The following LAMB3 variants were observed in gnomAD, a reference collection of about 807,000 sequenced individuals.
LAMB3 encodes laminin subunit beta 3.
A neutral mutation model predicts 140.3 loss-of-function variants in LAMB3; 104 were observed. The observed-to-expected ratio is 0.74, with a 90% CI of 0.63 to 0.87. LAMB3 has a LOEUF of 0.87. Ranked by LOEUF, LAMB3 falls within the 40% of genes least tolerant of loss-of-function variation. The probability of loss-of-function intolerance (pLI) is 0.00; values close to 1 mark genes in which losing one functional copy is unlikely to be tolerated. For synonymous variants in LAMB3, 592 were observed against 602.9 expected, an observed-to-expected ratio of 0.98 and a Z score of 0.26; for missense variants, 1,531 against 1,575.2, an observed-to-expected ratio of 0.97 and a Z score of 0.47.
At chr1:209,644,408 C>T (rs1387133147) in intron 3 of LAMB3, among the ~76,000 whole-genome samples, 2 of 152,134 alleles carry the variant, frequency 1.3e-5, no homozygotes, top group Non-Finnish European at 2.9e-5. Flanking sequence ...CAGCAGTGTA[C>T]ATATATTATC....
chr1:209,615,543 A>G, intron 22 of LAMB3, 136 bp from the exon 23 acceptor site: 1 of 1,015,672 alleles, frequency 9.8e-7, no homozygotes, highest in Non-Finnish European at 1.4e-6. Flanking sequence ...TGGCCTCTAA[A>G]GCAGTGGTGC....
chr1:209,638,663 G>C lies in LAMB3; in HGVS notation c.184-15C>G. 6.4e-7 allele frequency: 1 copy of C among 1,550,646 alleles called. No individual in the cohort carries two copies. The highest frequency in any genetic ancestry group is 8.9e-7 in the Non-Finnish European group (1 of 1,122,336). ...TTCATCTGCCACTGTGGGAGAGGGA[G>C]ATAGCAGACACTCAGAGGTGGGGTC... is the stretch of plus-strand genomic sequence containing the variant. On this transcript the variant is annotated splice_polypyrimidine_tract_variant and intron_variant, in intron 3 of 22. Transcript: ENST00000356082.
chr1:209,637,571 G>A (rs1256129119), intron 5 of LAMB3, among the ~76,000 whole-genome samples: 1 of 152,068 alleles, frequency 6.6e-6, no homozygotes. Context: ...AATCTAATAT[G>A]CAAAGTTATT....
chr1:209,626,071 CAG>C (rs1376717364), intron 13 of LAMB3, 45 bp from the exon 14 acceptor site: 2 of 1,599,924 alleles, frequency 1.3e-6, no homozygotes, highest in East Asian at 4.5e-5. Flanking sequence ...GTCAGGGAGA[CAG>C]AAGCAGCTGT....
In LAMB3 at chr1:209,649,979, G is replaced by A. The variant is rs772245138; in HGVS notation, c.168C>T (p.Cys56=). The change falls in exon 3 of 23, where the codon TGC becomes TGT. Residue 56 remains cysteine (C), a synonymous_variant. Coordinates refer to ENST00000356082, the MANE Select transcript of LAMB3 (RefSeq NM_000228.3). ...TCGLTKPETY[C]TQYGEWQMKC... ...TAGGGCCTACCTCGCCATACTGGGT[G>A]CAGTAGGTCTCAGGCTTGGTCAGTC... 7 of 1,614,204 alleles carry A rather than the reference G, an allele frequency of 4.3e-6. No individual in the cohort carries two copies. The highest frequency in any genetic ancestry group is 5.9e-6 in the Non-Finnish European group (7 of 1,180,038).
chr1:209,648,938 C>G (rs1033732977), intron 3 of LAMB3, among the ~76,000 whole-genome samples: 1 of 152,018 alleles, frequency 6.6e-6, no homozygotes, highest in Non-Finnish European at 1.5e-5. Context: ...TAATCTAGAC[C>G]CACAGGGAGT....
rs1269616286 is a variant in LAMB3, at chr1:209,617,979, T to G, written c.2979A>C (p.Ala993=). ...GCATGGTGTCCTGAGCTTCCTGCAG[T>G]GCCACTGTCCCCTGCCGCAGGTTCC... ...VVGNLRQGTV[A]LQEAQDTMQG... is the part of the protein sequence containing the mutation. The change falls in exon 20 of 23, where the codon GCA becomes GCC. Residue 993 remains alanine (A), a synonymous_variant. Coordinates refer to ENST00000356082, the MANE Select transcript of LAMB3 (RefSeq NM_000228.3). 6.2e-7 allele frequency: 1 copy of G among 1,614,188 alleles called. No homozygotes were observed. Among genetic ancestry groups the G allele is most frequent in the Admixed American group, 1.7e-5 (1 of 60,028 alleles).
At chr1:209,642,642 C>G (rs1055689607) in intron 3 of LAMB3, among the ~76,000 whole-genome samples, 4 of 152,138 alleles carry the variant, frequency 2.6e-5, no homozygotes, top group Non-Finnish European at 4.4e-5. Context: ...CTATGCCCAG[C>G]TAATTTTTGT....
chr1:209,629,875 A>G lies in LAMB3; in HGVS notation c.994T>C (p.Phe332Leu). Residue 332 changes from phenylalanine (F) to leucine (L), a missense_variant, in exon 10 of 23, where the codon TTT becomes CTT. Physicochemically the swap from Phe to Leu is conservative, Grantham distance 22. Coordinates refer to ENST00000356082, the MANE Select transcript of LAMB3 (RefSeq NM_000228.3). ...CCATATGCCCCCTGGCTGGCGGCAA[A>G]CACAGCGGGGTCAAAGTGACATGTC... ...SETCHFDPAV[F>L]AASQGAYGGV... 6.2e-7 allele frequency: 1 copy of G among 1,614,204 alleles called. No individual in the cohort carries two copies.
Position 209,629,793 on chromosome 1 carries a change from T to A in LAMB3, c.1076A>T (p.Gln359Leu), listed in dbSNP as rs1026710984. The A allele has an allele frequency of 6.2e-7, 1 of 1,614,046 alleles. No individual in the cohort carries two copies. ...GCGCCGGTTCCGGAAATAGTGCAGC[T>A]GACACCGCTCACAGTTCTTGCCTTC... ...HTEGKNCERCQLHYFRNRRPG... is the reference protein window; with the variant it reads ...HTEGKNCERCLLHYFRNRRPG... Residue 359 changes from glutamine (Q) to leucine (L), a missense_variant, in exon 10 of 23, where the codon CAG becomes CTG. Coordinates refer to ENST00000356082, the MANE Select transcript of LAMB3 (RefSeq NM_000228.3).
chr1:209,632,633 G>A lies in LAMB3; in HGVS notation c.772C>T (p.Arg258Cys), dbSNP rs145575474. The A allele has an allele frequency of 1.9e-5, 30 of 1,613,962 alleles. No homozygotes were observed. The highest frequency in any genetic ancestry group is 2.2e-5 in the East Asian group (1 of 44,878). The change falls in exon 8 of 23, where the codon CGC (arginine) becomes TGC (cysteine). Residue 258 changes from arginine (R) to cysteine (C), a missense_variant. Coordinates refer to ENST00000356082, the MANE Select transcript of LAMB3 (RefSeq NM_000228.3). Reference sequence around the variant, plus strand: ...GAGGCCCCAGGCTTGGGTGCGCAGCGATCAGCATGGCCGTGACAGAAGCAG... The same window carrying A: ...GAGGCCCCAGGCTTGGGTGCGCAGCAATCAGCATGGCCGTGACAGAAGCAG... ...GSCFCHGHAD[R>C]CAPKPGASAG...
In LAMB3 at chr1:209,623,302, C is replaced by T. The variant is rs1666278637; in HGVS notation, c.2359-123G>A. 2.7e-6 allele frequency: 3 copies of T among 1,098,468 alleles called. No homozygotes were observed. Among genetic ancestry groups the T allele is most frequent in the Non-Finnish European group, 4.1e-6 (3 of 730,970 alleles). 68.0% of individuals were successfully genotyped at this position (1,098,468 alleles called of 1,614,324 possible). On this transcript the variant is annotated intron_variant, in intron 16 of 22. Coordinates refer to ENST00000356082, the MANE Select transcript of LAMB3 (RefSeq NM_000228.3). This position sits in a 1 kb window ranked among gnomAD's most constrained non-coding sequence, Gnocchi z 4.2. Reference sequence around the variant, plus strand: ...CAACCAAGCACCAGAAACAGCCAGACATCTCCATGAGAGCTAAGGACCAGA... The same window carrying T: ...CAACCAAGCACCAGAAACAGCCAGATATCTCCATGAGAGCTAAGGACCAGA...
intron 3 of LAMB3, among the ~76,000 whole-genome samples, chr1:209,649,698 G>A (rs949819971): frequency 1.3e-5 from 2 of 152,318 alleles, no homozygotes. Context: ...CATGCCCAAG[G>A]ACTGAGAAAA....
rs1666880759 is a variant in LAMB3 at position 209,635,943 on chromosome 1, C to A, written c.373-1305G>T. ...AACCAAGCTCATTCCCTCCTCAGAGCCTTTGTCCAGTCTTTCTTGGAATGC... is the reference window on the plus strand; with the variant it reads ...AACCAAGCTCATTCCCTCCTCAGAGACTTTGTCCAGTCTTTCTTGGAATGC... On this transcript the variant is annotated intron_variant, in intron 5 of 22. Transcript: ENST00000356082. Among the ~76,000 whole-genome samples the A allele has an allele frequency of 2.6e-5, 4 of 152,310 alleles. No homozygotes were observed. In the South Asian group the frequency reaches 8.3e-4, roughly 32 times the overall value.
intron 3 of LAMB3, among the ~76,000 whole-genome samples, chr1:209,647,494 T>C (rs1214958410): frequency 6.6e-6 from 1 of 152,166 alleles, no homozygotes; most frequent in Non-Finnish European, 1.5e-5. Flanking sequence ...CAGTAGGATG[T>C]GGCACAGAAG....
At chr1:209,645,918 G>C (rs2076513887) in intron 3 of LAMB3, among the ~76,000 whole-genome samples, 2 of 152,202 alleles carry the variant, frequency 1.3e-5, no homozygotes. Flanking sequence ...CGGGCAGGGG[G>C]ATAAGGGTGC....
chr1:209,634,737 AG>A, intron 5 of LAMB3, 99 bp from the exon 6 acceptor site: 2 of 1,021,032 alleles, frequency 2.0e-6, no homozygotes, highest in Non-Finnish European at 3.0e-6. Flanking sequence ...CTCGGGAGAA[AG>A]GGGGCCCAGT....
chr1:209,649,918 AC>A, intron 3 of LAMB3, 45 bp downstream of exon 3: 1 of 1,606,616 alleles, frequency 6.2e-7, no homozygotes, highest in Non-Finnish European at 8.5e-7. Context: ...CAGCTCACAC[AC>A]CCCTCCCATC....
rs781198655 is a variant in LAMB3 at position 209,622,995 on chromosome 1, C to T, written c.2543G>A (p.Arg848Gln). 50 of 1,613,222 alleles carry T rather than the reference C, an allele frequency of 3.1e-5. No homozygotes were observed. Among genetic ancestry groups the T allele is most frequent in the East Asian group, 8.9e-5 (4 of 44,886 alleles). The change falls in exon 17 of 23, where the codon CGG (arginine) becomes CAG (glutamine). Residue 848 changes from arginine (R) to glutamine (Q), a missense_variant. By Grantham distance (43) the Arg-to-Gln change is conservative (BLOSUM62 1). Coordinates refer to ENST00000356082, the MANE Select transcript of LAMB3 (RefSeq NM_000228.3). Reference sequence around the variant, plus strand: ...GGCTGCACTTACCATCTGCCTGGTCCGCTGGAGCTGGGCATTGAAGCCCCG... The same window carrying T: ...GGCTGCACTTACCATCTGCCTGGTCTGCTGGAGCTGGGCATTGAAGCCCCG... ...QLRGFNAQLQ[R>Q]TRQMIRAAEE...
Sources: gnomAD v4.1 joint callset for allele counts (sites outside exome capture counted in the v4.1 genomes callset) on GRCh38, gnomAD v4.1.1 for gene constraint, Gnocchi (gnomAD v3.1) non-coding constraint, MANE v1.5 for transcripts, NCBI Gene and HGNC (gene_info 2026-07-23, HGNC 2026-07-21) for gene names.